The following PHLDB1 variants were observed in gnomAD, a reference collection of about 807,000 sequenced individuals.
PHLDB1 encodes pleckstrin homology like domain family B member 1, also known as pleckstrin homology-like domain family B member 1.
Under a neutral mutation model 139.3 loss-of-function variants are expected in PHLDB1, and 65 were observed. The ratio of observed to expected loss-of-function variants is 0.47; its 90% CI spans 0.38 to 0.57. The LOEUF is 0.57. Among genes scored for constraint, PHLDB1 ranks in the 20% least tolerant of loss-of-function variants. The pLI is 0.00. For synonymous variants in PHLDB1, 679 were observed against 734.5 expected (o/e 0.92, Z 1.22); for missense variants, 1,624 against 1,839.7 (o/e 0.88, Z 2.14).
intron 10 of PHLDB1, among the ~76,000 whole-genome samples, chr11:118,636,360 G>A (rs1045127445): frequency 2.0e-5 from 3 of 152,190 alleles, no homozygotes; most frequent in African/African-American, 7.2e-5. Context: ...TAGGGGATTT[G>A]CTGGTTAGCC....
chr11:118,639,302 G>T (rs534535378), intron 12 of PHLDB1, 51 bp downstream of exon 12: 96 of 1,384,496 alleles, frequency 6.9e-5, no homozygotes, highest in Non-Finnish European at 9.1e-5. Flanking sequence ...TGTCCTGGGA[G>T]GCTCTGAGTA....
chr11:118,649,304 A>C (rs1555133505), intron 18 of PHLDB1, among the ~76,000 whole-genome samples: 1 of 151,442 alleles, frequency 6.6e-6, no homozygotes, highest in African/African-American at 2.4e-5. Flanking sequence ...AAGAAAAAAG[A>C]AGCTCTGTGA....
intron 17 of PHLDB1, chr11:118,646,854 C>T (rs1250993641): frequency 6.6e-6 from 1 of 152,090 alleles, no homozygotes; most frequent in East Asian, 1.9e-4. Flanking sequence ...GAATGGAGGA[C>T]CAGCCAGAAA....
chr11:118,612,598 C>T (rs558238398), intron 1 of PHLDB1, among the ~76,000 whole-genome samples: 23 of 152,302 alleles, frequency 1.5e-4, no homozygotes, highest in African/African-American at 4.1e-4. Context: ...GCCTCTCTTC[C>T]GCCAGCTTGG....
chr11:118,635,663 T>A (rs1945525279), intron 10 of PHLDB1, 115 bp downstream of exon 10: 2 of 955,002 alleles, frequency 2.1e-6, no homozygotes, highest in Non-Finnish European at 3.0e-6. Flanking sequence ...TCCTTGTCTG[T>A]AAAATGAGAA....
At chr11:118,615,817 C>A (rs915154029) in intron 3 of PHLDB1, among the ~76,000 whole-genome samples, 3 of 152,238 alleles carry the variant, frequency 2.0e-5, no homozygotes, top group Non-Finnish European at 4.4e-5. Context: ...GTCTTCCCAT[C>A]TCTGGGCCTC....
chr11:118,614,028 G>A (rs1463254659), intron 2 of PHLDB1, 132 bp downstream of exon 2: 2 of 637,110 alleles, frequency 3.1e-6, no homozygotes, highest in African/African-American at 1.8e-5. Context: ...CAGGTCCCAA[G>A]CCTATTAACA....
rs781883926 is a variant in PHLDB1, at chr11:118,638,926, G to T, written c.2571G>T (p.Gln857His). 2.5e-6 allele frequency: 4 copies of T among 1,613,514 alleles called. No homozygotes were observed. The highest frequency in any genetic ancestry group is 2.2e-5 in the South Asian group (2 of 90,958). ...CCATCCTGGACAGTCAGGCTGGGCA[G>T]ATCCGGGCTCAGGCCGTGCAGGAAT... ...RLAILDSQAG[Q>H]IRAQAVQESE... The change falls in exon 11 of 23, where the codon CAG (glutamine) becomes CAT (histidine). Residue 857 changes from glutamine to histidine, a missense_variant. Transcript: ENST00000600882.
intron 7 of PHLDB1, 113 bp downstream of exon 7, chr11:118,631,592 A>G (rs1944817871): frequency 1.1e-6 from 1 of 909,518 alleles, no homozygotes; most frequent in East Asian, 2.9e-5. Flanking sequence ...AAGTTTGGGA[A>G]GAGATTAGAG....
In PHLDB1 at chr11:118,608,388, G is replaced by A. The variant is rs1297221016; in HGVS notation, c.-22+689G>A. Among the ~76,000 whole-genome samples the A allele has an allele frequency of 6.6e-6, 1 of 152,160 alleles. No homozygotes were observed. The highest frequency in any genetic ancestry group is 6.5e-5 in the Admixed American group (1 of 15,292). ...GAATCCCTAGCGGAGTTCCCCGAGC[G>A]GAGGCTGACCCAAGTCATCCGGGCT... On this transcript the variant is annotated intron_variant, in intron 1 of 22. Transcript: ENST00000600882. This position sits in a 1 kb window ranked among gnomAD's most constrained non-coding sequence, Gnocchi z 6.7.
rs1555124693 is a variant in PHLDB1, at chr11:118,644,192, C to T, written c.3121+18C>T. On this transcript the variant is annotated intron_variant, in intron 15 of 22. Coordinates refer to ENST00000600882, the MANE Select transcript of PHLDB1 (RefSeq NM_001144758.3). ...GCAGAAGGGTGAGTGACTGCCCCGC[C>T]AGCCCACCTGCTCTCCTGAGGGGAC... 2 of 1,567,744 alleles carry T rather than the reference C, an allele frequency of 1.3e-6. No homozygotes were observed. Among genetic ancestry groups the T allele is most frequent in the Admixed American group, 1.7e-5 (1 of 59,234 alleles).
At position 118,656,920 on chromosome 11, in the gene PHLDB1, G is replaced by C; in HGVS notation, c.*97G>C. On this transcript the variant is annotated 3_prime_UTR_variant, in exon 23 of 23. Transcript: ENST00000600882. ...TTGGTCCTGTGAGTTTCTGGGCTCT[G>C]GCCTCCTGAAGAACCAGCCAGAAGA... 1.8e-6 allele frequency: 2 copies of C among 1,134,006 alleles called. No individual in the cohort carries two copies. Among genetic ancestry groups the C allele is most frequent in the Non-Finnish European group, 2.5e-6 (2 of 799,632 alleles). 70.2% of individuals were successfully genotyped at this position (1,134,006 alleles called of 1,614,324 possible).
At chr11:118,609,027 A>C (rs1555081276) in intron 1 of PHLDB1, among the ~76,000 whole-genome samples, 2 of 123,976 alleles carry the variant, frequency 1.6e-5, no homozygotes, top group Non-Finnish European at 1.7e-5. Context: ...TCACACACAC[A>C]CCCCAGTCAA....
At chr11:118,628,766 T>G in intron 6 of PHLDB1, 116 bp downstream of exon 6, 2 of 888,682 alleles carry the variant, frequency 2.3e-6, no homozygotes, top group Non-Finnish European at 3.3e-6. Context: ...CTTCTCAAGG[T>G]TCCCCACCTC....
chr11:118,621,993 C>T (rs782045454), intron 4 of PHLDB1, among the ~76,000 whole-genome samples: 2 of 152,066 alleles, frequency 1.3e-5, no homozygotes, highest in Non-Finnish European at 2.9e-5. Flanking sequence ...TGAGCATGTA[C>T]GCCCATAAGT....
At chr11:118,641,711 A>G in intron 12 of PHLDB1, 1 of 1,289,528 alleles carries the variant, frequency 7.8e-7, no homozygotes, top group Non-Finnish European at 1.0e-6. Context: ...GCCTCCCGGG[A>G]CCTGGTTCCC....
chr11:118,649,882 C>T (rs938035561), intron 18 of PHLDB1, among the ~76,000 whole-genome samples, 195 bp from the exon 19 acceptor site: 6 of 152,150 alleles, frequency 3.9e-5, no homozygotes, highest in Admixed American at 1.3e-4. Flanking sequence ...GCAGTTTGCC[C>T]GGCCCTAGGT....
rs782300228 is a variant in PHLDB1 at position 118,631,210 on chromosome 11, C to T, written c.1831C>T (p.Arg611Cys). ...CTGCTCTGTCCATCCTCCCCAGGAACGCCAGCGCCTGGAGACCATCCTGAA... is the reference window on the plus strand; with the variant it reads ...CTGCTCTGTCCATCCTCCCCAGGAATGCCAGCGCCTGGAGACCATCCTGAA... ...LREQEMERLE[R>C]QRLETILNLC... The change falls in exon 7 of 23, where the codon CGC (arginine) becomes TGC (cysteine). Residue 611 changes from arginine (R) to cysteine (C), a missense_variant. By Grantham distance (180) the Arg-to-Cys change is radical (BLOSUM62 -3). Transcript: ENST00000600882. 11 of 1,423,292 alleles carry T rather than the reference C, an allele frequency of 7.7e-6. No individual in the cohort carries two copies. Among genetic ancestry groups the T allele is most frequent in the Middle Eastern group, 1.9e-4 (1 of 5,266 alleles). 88.2% of individuals were successfully genotyped at this position (1,423,292 alleles called of 1,614,324 possible). A position where few individuals can be genotyped will look rare whatever the true frequency, so the allele number is the denominator to read the frequency against.
At chr11:118,628,807 G>A (rs1555107242) in intron 6 of PHLDB1, among the ~76,000 whole-genome samples, 157 bp downstream of exon 6, 1 of 152,248 alleles carries the variant, frequency 6.6e-6, no homozygotes, top group East Asian at 1.9e-4. Context: ...AATATCTTAT[G>A]GTTCTGGTGC....
Sources: allele counts gnomAD v4.1 joint callset (sites outside exome capture counted in the v4.1 genomes callset), GRCh38; gene constraint gnomAD v4.1.1; non-coding constraint Gnocchi (gnomAD v3.1); transcripts MANE v1.5; gene names NCBI Gene and HGNC (gene_info 2026-07-23, HGNC 2026-07-21).